RAD54B: variants seen among roughly 807,000 people sequenced by gnomAD.
The protein encoded by RAD54B is DNA repair and recombination protein RAD54B.
In RAD54B, 78 loss-of-function variants were observed where a neutral mutation model predicts 95.8. That is an observed-to-expected ratio of 0.81 (90% CI 0.68 to 0.98). The LOEUF (loss-of-function observed/expected upper bound fraction) is 0.98. Among genes scored for constraint, RAD54B ranks in the 50% least tolerant of loss-of-function variants. The pLI, the probability that RAD54B is intolerant of heterozygous loss-of-function variation, is 0.00. For synonymous variants in RAD54B, 328 were observed against 354.9 expected, an observed-to-expected ratio of 0.92 and a Z score of 0.85; for missense variants, 957 against 1,056.6, an observed-to-expected ratio of 0.91 and a Z score of 1.31.
intron 3 of RAD54B, among the ~76,000 whole-genome samples, chr8:94,422,651 T>TATATAAAA (rs556821145): frequency 1.2e-3 from 104 of 88,860 alleles, no homozygotes; most frequent in Non-Finnish European, 1.8e-3. Context: ...TATATATATA[T>TATATAAAA]ATAAAATTAT....
In RAD54B at chr8:94,425,324, G is replaced by A. The variant is rs556147099; in HGVS notation, c.305-14009C>T. On this transcript the variant is annotated intron_variant, in intron 3 of 14. Coordinates refer to ENST00000336148, the MANE Select transcript of RAD54B (RefSeq NM_012415.3). ...CCTGCCTCAGCCTCACAAAGTGCTA[G>A]GATTACAGGCATGAGCCACCGCACC... 5.3e-5 allele frequency among the ~76,000 whole-genome samples: 8 copies of A among 150,040 alleles called. No individual in the cohort carries two copies. The South Asian group carries it at 1.7e-3, about 32-fold the overall frequency.
chr8:94,464,440 G>C (rs1812977875), intron 2 of RAD54B, among the ~76,000 whole-genome samples: 1 of 151,922 alleles, frequency 6.6e-6, no homozygotes, highest in South Asian at 2.1e-4. Flanking sequence ...CTTGATCTTA[G>C]ATCTGTGTTG....
chr8:94,407,165 T>C (rs1236042610), intron 5 of RAD54B, among the ~76,000 whole-genome samples: 4 of 152,162 alleles, frequency 2.6e-5, no homozygotes, highest in Non-Finnish European at 5.9e-5. Context: ...CATGTATGTG[T>C]AATGTATACA....
intron 10 of RAD54B, 39 bp from the exon 11 acceptor site, chr8:94,387,198 G>T (rs1449983709): frequency 6.7e-7 from 1 of 1,481,700 alleles, no homozygotes; most frequent in South Asian, 1.4e-5. Flanking sequence ...GCTCAAGTTT[G>T]TTTTTTTAAT....
intron 3 of RAD54B, among the ~76,000 whole-genome samples, chr8:94,438,749 T>G (rs1009406429): frequency 1.3e-5 from 2 of 152,216 alleles, no homozygotes; most frequent in Non-Finnish European, 2.9e-5. Flanking sequence ...CAGGGAAATG[T>G]ATACTAAAAA....
intron 1 of RAD54B, among the ~76,000 whole-genome samples, chr8:94,469,080 C>A (rs1813102009): frequency 6.8e-6 from 1 of 146,132 alleles, no homozygotes; most frequent in Admixed American, 6.9e-5. Context: ...ATCACTTGAG[C>A]CCAAGAGAGC....
chr8:94,420,933 C>T (rs1264268005), intron 3 of RAD54B, among the ~76,000 whole-genome samples: 1 of 149,000 alleles, frequency 6.7e-6, no homozygotes, highest in South Asian at 2.1e-4. Flanking sequence ...TGCAGTGAGC[C>T]GAGATCACAC....
intron 14 of RAD54B, among the ~76,000 whole-genome samples, chr8:94,372,687 T>G (rs1810469922): frequency 6.6e-6 from 1 of 152,122 alleles, no homozygotes; most frequent in African/African-American, 2.4e-5. Context: ...TATTACAAAT[T>G]CAAAATCCCT....
intron 14 of RAD54B, 34 bp downstream of exon 14, chr8:94,378,146 T>C (rs1477125472): frequency 6.3e-6 from 9 of 1,435,666 alleles, no homozygotes; most frequent in Non-Finnish European, 7.6e-6. Flanking sequence ...AAATTAACTT[T>C]ACTACATAGT....
chr8:94,439,097 A>G (rs1812337169), intron 3 of RAD54B, among the ~76,000 whole-genome samples: 1 of 152,188 alleles, frequency 6.6e-6, no homozygotes, highest in African/African-American at 2.4e-5. Context: ...GCCTCAAAAA[A>G]AGAAAAAAAA....
At chr8:94,394,696 A>G (rs1811100843) in intron 8 of RAD54B, among the ~76,000 whole-genome samples, 1 of 152,234 alleles carries the variant, frequency 6.6e-6, no homozygotes, top group African/African-American at 2.4e-5. Context: ...TGTTTCAATA[A>G]TTATAATAGT....
intron 2 of RAD54B, 59 bp from the exon 3 acceptor site, chr8:94,458,495 G>A: frequency 7.9e-7 from 1 of 1,265,484 alleles, no homozygotes; most frequent in South Asian, 1.7e-5. Context: ...TGTATTTTCT[G>A]TATTTTTACA....
intron 3 of RAD54B, among the ~76,000 whole-genome samples, chr8:94,434,922 CA>C (rs1252080094): frequency 1.3e-5 from 2 of 151,366 alleles, no homozygotes; most frequent in Non-Finnish European, 1.5e-5. Context: ...TATTCACACA[CA>C]CAAATAGTCA....
Position 94,391,662 on chromosome 8 carries a change from C to G in RAD54B, c.1756G>C (p.Gly586Arg). 1 of 1,613,760 alleles carries G rather than the reference C, an allele frequency of 6.2e-7. No homozygotes were observed. Among genetic ancestry groups the G allele is most frequent in the Non-Finnish European group, 8.5e-7 (1 of 1,179,962 alleles). ...TGATTGCACAGTTTTTTAAGAGCTC[C>G]TATACATATTAGATGGGGACTATTT... ...LENSPHLICI[G>R]ALKKLCNHPC... is the part of the protein sequence containing the mutation. The change falls in exon 10 of 15, where the codon GGA becomes CGA. Residue 586 changes from glycine to arginine, a missense_variant. By Grantham distance (125) the Gly-to-Arg change is moderately radical (BLOSUM62 -2). Coordinates refer to ENST00000336148, the MANE Select transcript of RAD54B (RefSeq NM_012415.3).
At chr8:94,472,170 T>C (rs900760897) in intron 1 of RAD54B, among the ~76,000 whole-genome samples, 3 of 152,192 alleles carry the variant, frequency 2.0e-5, no homozygotes, top group African/African-American at 4.8e-5. Flanking sequence ...AAGCAAATTA[T>C]GAAACAGATG....
chr8:94,467,599 CA>C (rs1813060364), intron 1 of RAD54B, 44 bp from the exon 2 acceptor site: 1 of 1,534,710 alleles, frequency 6.5e-7, no homozygotes, highest in African/African-American at 1.4e-5. Context: ...AATCTAATTA[CA>C]ATCACCCCCA....
chr8:94,427,710 A>T, intron 3 of RAD54B: 2 of 983,504 alleles, frequency 2.0e-6, no homozygotes, highest in Non-Finnish European at 2.4e-6. Context: ...AAAGTACACA[A>T]ATCAGTACAA....
chr8:94,441,582 A>G (rs1362828281), intron 3 of RAD54B, among the ~76,000 whole-genome samples: 2 of 152,198 alleles, frequency 1.3e-5, no homozygotes, highest in East Asian at 1.9e-4. Context: ...TTATTCAGCT[A>G]TCTCGAAGCT....
intron 9 of RAD54B, 137 bp downstream of exon 9, chr8:94,393,606 T>C: frequency 1.3e-6 from 1 of 767,602 alleles, no homozygotes; most frequent in South Asian, 2.2e-5. Context: ...AAATAAGGAA[T>C]GCAAGAAACG....
Sources: allele counts gnomAD v4.1 joint callset (sites outside exome capture counted in the v4.1 genomes callset), GRCh38; gene constraint gnomAD v4.1.1; transcripts MANE v1.5; gene names NCBI Gene and HGNC (gene_info 2026-07-23, HGNC 2026-07-21).